GPRIN3: variants seen among roughly 807,000 people sequenced by gnomAD.
The protein encoded by GPRIN3 is GPRIN family member 3.
A neutral mutation model predicts 13.7 loss-of-function variants in GPRIN3; 12 were observed. The ratio of observed to expected loss-of-function variants is 0.87; its 90% confidence interval spans 0.56 to 1.42. The LOEUF (loss-of-function observed/expected upper bound fraction) is 1.42. Among genes scored for constraint, GPRIN3 ranks in the 40% most tolerant of loss-of-function variants. GPRIN3 has a pLI of 0.00. For synonymous variants in GPRIN3, 377 were observed against 372.7 expected (o/e 1.01, Z -0.13); for missense variants, 1,009 against 958.7 (o/e 1.05, Z -0.69).
At chr4:89,293,072 C>T (rs536800275) in intron 1 of GPRIN3, among the ~76,000 whole-genome samples, 1 of 152,198 alleles carries the variant, frequency 6.6e-6, no homozygotes, top group East Asian at 1.9e-4. Context: ...GGAATTAAAC[C>T]AACAAGTTCT....
chr4:89,257,426 G>A (rs1053246689), intron 1 of GPRIN3, among the ~76,000 whole-genome samples: 1 of 152,072 alleles, frequency 6.6e-6, no homozygotes, highest in Admixed American at 6.5e-5. Context: ...TTGAACAGAT[G>A]GCTTCTAAAT....
chr4:89,250,478 C>T, intron 1 of GPRIN3: 1 of 165,126 alleles, frequency 6.1e-6, no homozygotes. Context: ...GCTTGCATCC[C>T]ACTAATGTCT....
At chr4:89,279,395 G>A (rs1724183553) in intron 1 of GPRIN3, among the ~76,000 whole-genome samples, 1 of 152,088 alleles carries the variant, frequency 6.6e-6, no homozygotes, top group African/African-American at 2.4e-5. Flanking sequence ...TCATTTGGAT[G>A]ACAGCGTGCT....
chr4:89,270,260 G>A (rs1277254687), intron 1 of GPRIN3, among the ~76,000 whole-genome samples: 2 of 151,782 alleles, frequency 1.3e-5, no homozygotes, highest in African/African-American at 2.4e-5. Context: ...TTGATGACTT[G>A]TAAGGTTGAT....
intron 1 of GPRIN3, among the ~76,000 whole-genome samples, chr4:89,297,147 A>G (rs563583388): frequency 2.9e-4 from 44 of 152,198 alleles, no homozygotes; most frequent in Non-Finnish European, 6.0e-4. Flanking sequence ...TAGAATGGGG[A>G]ATTATTAATG....
intron 1 of GPRIN3, among the ~76,000 whole-genome samples, chr4:89,303,467 G>A (rs1295145088): frequency 1.3e-5 from 2 of 152,140 alleles, no homozygotes; most frequent in South Asian, 2.1e-4. Flanking sequence ...AAGATGGCAG[G>A]AAATGGCAGA....
chr4:89,269,814 G>A (rs540337989), intron 1 of GPRIN3, among the ~76,000 whole-genome samples: 22 of 152,204 alleles, frequency 1.4e-4, no homozygotes, highest in African/African-American at 5.3e-4. Flanking sequence ...CACATAACCG[G>A]TGCTCAAAAA....
Position 89,248,814 on chromosome 4 carries a change from T to C in GPRIN3, c.1297A>G (p.Thr433Ala). 3.7e-6 allele frequency: 6 copies of C among 1,614,186 alleles called. No homozygotes were observed. Among genetic ancestry groups the C allele is most frequent in the Non-Finnish European group, 5.1e-6 (6 of 1,180,022 alleles). Reference protein sequence around the residue: ...INLVSSNAQHTCKEDGRLAGM... With the variant: ...INLVSSNAQHACKEDGRLAGM... ...GCTAACCTCCCATCTTCTTTACACG[T>C]ATGCTGGGCATTACTGGAGACCAAA... The change falls in exon 2 of 2, where the codon ACG (threonine) becomes GCG (alanine). Residue 433 changes from threonine (T) to alanine (A), a missense_variant. By Grantham distance (58) the Thr-to-Ala change is moderately conservative. Transcript: ENST00000609438.
chr4:89,266,373 G>A (rs904758086), intron 1 of GPRIN3, among the ~76,000 whole-genome samples: 5 of 152,158 alleles, frequency 3.3e-5, no homozygotes, highest in Non-Finnish European at 7.4e-5. Context: ...CCCAGTACCT[G>A]TCACTGATAT....
intron 1 of GPRIN3, among the ~76,000 whole-genome samples, chr4:89,301,889 T>G (rs1404397569): frequency 6.6e-6 from 1 of 152,218 alleles, no homozygotes; most frequent in Non-Finnish European, 1.5e-5. Flanking sequence ...TGTGAGTTTT[T>G]ACTCTTCCAG....
chr4:89,251,825 C>A (rs1362479056), intron 1 of GPRIN3, among the ~76,000 whole-genome samples: 1 of 152,024 alleles, frequency 6.6e-6, no homozygotes, highest in Non-Finnish European at 1.5e-5. Context: ...TGGAATGAGA[C>A]ATATTAGGTG....
At position 89,246,240 on chromosome 4, in the gene GPRIN3, A is replaced by T. The variant is rs1723094925; in HGVS notation, c.*1540T>A. On this transcript the variant is annotated 3_prime_UTR_variant, in exon 2 of 2. Coordinates refer to ENST00000609438, the MANE Select transcript of GPRIN3 (RefSeq NM_198281.3). ...ATGGTTAGGTACTCTTTTCTAGCTC[A>T]TTACGGGGAATGAGTTCAAAGAAGA... 6.6e-6 allele frequency: 1 copy of T among 152,210 alleles called. No individual in the cohort carries two copies. The highest frequency in any genetic ancestry group is 2.4e-5 in the African/African-American group (1 of 41,444). The allele number at this position is 152,210 out of a possible 1,614,324, so 9.4% of individuals were successfully genotyped here.
At chr4:89,264,401 A>G (rs1051051251) in intron 1 of GPRIN3, among the ~76,000 whole-genome samples, 4 of 152,160 alleles carry the variant, frequency 2.6e-5, no homozygotes, top group African/African-American at 4.8e-5. Flanking sequence ...TTTTTGTACA[A>G]CCTGCAGAAC....
rs17015296 is a variant in GPRIN3, at chr4:89,253,771, T to C, written c.-123-3538A>G. 4.9e-3 allele frequency among the ~76,000 whole-genome samples: 740 copies of C among 152,304 alleles called. 6 individuals carry two copies. Among genetic ancestry groups the C allele is most frequent in the South Asian group, 0.032 (153 of 4,828 alleles). On this transcript the variant is annotated intron_variant, in intron 1 of 1. Coordinates refer to ENST00000609438, the MANE Select transcript of GPRIN3 (RefSeq NM_198281.3). ...AAGCCCAAATTGCTTGGCTAAGACC[T>C]AGCACTTGAAATCTCTGTATTTATG...
At chr4:89,254,105 T>A (rs1279262132) in intron 1 of GPRIN3, among the ~76,000 whole-genome samples, 1 of 133,042 alleles carries the variant, frequency 7.5e-6, no homozygotes, top group East Asian at 2.0e-4. Flanking sequence ...GAGTCCCTTC[T>A]ACAGAAGGGT....
At chr4:89,301,981 G>A (rs1475580243) in intron 1 of GPRIN3, among the ~76,000 whole-genome samples, 1 of 152,142 alleles carries the variant, frequency 6.6e-6, no homozygotes, top group East Asian at 1.9e-4. Flanking sequence ...TCTTCTAGAG[G>A]TGGCTTGGTA....
intron 1 of GPRIN3, among the ~76,000 whole-genome samples, chr4:89,298,383 A>C (rs915797980): frequency 2.6e-5 from 4 of 152,066 alleles, no homozygotes; most frequent in Non-Finnish European, 5.9e-5. Flanking sequence ...GCAGGTGGTG[A>C]AGCTGTGAAG....
Position 89,247,211 on chromosome 4 carries a change from T to C in GPRIN3, c.*569A>G. On this transcript the variant is annotated 3_prime_UTR_variant, in exon 2 of 2. Transcript: ENST00000609438. ...AAACATTAATTCATATTTCATATTTTACACATTTAACTGTTTTTATTTAAT... is the reference window on the plus strand; with the variant it reads ...AAACATTAATTCATATTTCATATTTCACACATTTAACTGTTTTTATTTAAT... The C allele has an allele frequency of 6.6e-6, 1 of 152,366 alleles. No homozygotes were observed. The highest frequency in any genetic ancestry group is 6.5e-5 in the Admixed American group (1 of 15,310). 9.4% of individuals were successfully genotyped at this position (152,366 alleles called of 1,614,324 possible). A position where few individuals can be genotyped will look rare whatever the true frequency, so the allele number is the denominator to read the frequency against.
chr4:89,293,669 C>T (rs1185647353), intron 1 of GPRIN3, among the ~76,000 whole-genome samples: 1 of 152,206 alleles, frequency 6.6e-6, no homozygotes, highest in East Asian at 1.9e-4. Context: ...TTTTCTCCTG[C>T]AGGTTCTCCC....
Sources: allele counts gnomAD v4.1 joint callset (sites outside exome capture counted in the v4.1 genomes callset), GRCh38; gene constraint gnomAD v4.1.1; transcripts MANE v1.5; gene names NCBI Gene and HGNC (gene_info 2026-07-23, HGNC 2026-07-21).